The following IFIT3 variants were observed in gnomAD, a reference collection of about 807,000 sequenced individuals.
The protein encoded by IFIT3 is interferon-induced protein with tetratricopeptide repeats 3.
A neutral mutation model predicts 2.4 loss-of-function variants in IFIT3; 2 were observed. The ratio of observed to expected loss-of-function variants is 0.82; its 90% CI spans 0.34 to 2.60. IFIT3 has a LOEUF of 2.60. Among genes scored for constraint, IFIT3 ranks in the 30% most tolerant of loss-of-function variants. The probability of loss-of-function intolerance (pLI) is 0.11; values close to 1 mark genes in which losing one functional copy is unlikely to be tolerated. For synonymous variants in IFIT3, 203 were observed against 212.1 expected, an observed-to-expected ratio of 0.96 and a Z score of 0.37; for missense variants, 481 against 562.4, an observed-to-expected ratio of 0.86 and a Z score of 1.46.
chr10:89,329,250 G>A, intron 1 of IFIT3, among the ~76,000 whole-genome samples: 1 of 152,110 alleles, frequency 6.6e-6, no homozygotes, highest in Non-Finnish European at 1.5e-5. Flanking sequence ...TCATGTTTGG[G>A]GATGAGATGG....
chr10:89,339,326 C>CTGAAGGAGAGCAGTTTGT lies in IFIT3; in HGVS notation c.677_694dup (p.Gly226_Glu231dup). 1 of 1,613,780 alleles carries CTGAAGGAGAGCAGTTTGT rather than the reference C, an allele frequency of 6.2e-7. No individual in the cohort carries two copies. The highest frequency in any genetic ancestry group is 2.2e-5 in the East Asian group (1 of 44,884). ...AAACTGCAGAAGATGAATAAAGAAG[C>CTGAAGGAGAGCAGTTTGT]TGAAGGAGAGCAGTTTGTTGAAGAA... is the stretch of plus-strand genomic sequence containing the variant. On this transcript the variant is annotated inframe_insertion, in exon 2 of 2. Transcript: ENST00000371818.
In IFIT3 at chr10:89,328,025, T is replaced by G; in HGVS notation, c.-49T>G. The G allele has an allele frequency of 1.2e-6, 2 of 1,612,436 alleles. No homozygotes were observed. The highest frequency in any genetic ancestry group is 1.7e-6 in the Non-Finnish European group (2 of 1,178,580). ...GACAGGAAGACTTCTGAAGAACAAA[T>G]CAGCCTGGTCACCAGCTTTTCGGAA... On this transcript the variant is annotated 5_prime_UTR_variant, in exon 1 of 2. Transcript: ENST00000371818.
In IFIT3 at chr10:89,332,406, G is replaced by A. The variant is rs139036342; in HGVS notation, c.5+4328G>A. 9.6e-4 allele frequency: 1,087 copies of A among 1,133,964 alleles called. 9 individuals are homozygous for A. The African/African-American group carries it at 0.011, about 12-fold the overall frequency. 70.2% of individuals were successfully genotyped at this position (1,133,964 alleles called of 1,614,324 possible). A position where few individuals can be genotyped will look rare whatever the true frequency, so the allele number is the denominator to read the frequency against. Reference sequence around the variant, plus strand: ...AATCTGTCTGGAACATGTTCCTGGCGTGAGTGAGCTCAGTTCTCACAGATT... The same window carrying A: ...AATCTGTCTGGAACATGTTCCTGGCATGAGTGAGCTCAGTTCTCACAGATT... On this transcript the variant is annotated intron_variant, in intron 1 of 1. Transcript: ENST00000371818.
Position 89,340,201 on chromosome 10 carries a change from G to A in IFIT3, c.*73G>A. 2 of 1,480,914 alleles carry A rather than the reference G, an allele frequency of 1.4e-6. No homozygotes were observed. The highest frequency in any genetic ancestry group is 1.8e-6 in the Non-Finnish European group (2 of 1,112,326). The allele number at this position is 1,480,914 out of a possible 1,614,324, so 91.7% of individuals were successfully genotyped here. ...ACGGGTAGGACGATAGGAAGACAGG[G>A]GGCCCCAACCTGGGATTGCTGAGCA... On this transcript the variant is annotated 3_prime_UTR_variant, in exon 2 of 2. Coordinates refer to ENST00000371818, the MANE Select transcript of IFIT3 (RefSeq NM_001549.6).
At chr10:89,331,304 TG>T (rs1160101887) in intron 1 of IFIT3, among the ~76,000 whole-genome samples, 3 of 152,120 alleles carry the variant, frequency 2.0e-5, no homozygotes, top group Non-Finnish European at 4.4e-5. Flanking sequence ...CCCAAGTAGC[TG>T]GGACTATAGG....
chr10:89,332,714 T>G (rs946786963), intron 1 of IFIT3: 2 of 1,307,138 alleles, frequency 1.5e-6, no homozygotes, highest in Non-Finnish European at 2.2e-6. Flanking sequence ...TGCTTAGAGA[T>G]GAAATATGCA....
intron 1 of IFIT3, among the ~76,000 whole-genome samples, chr10:89,337,893 G>A (rs1442254215): frequency 6.6e-6 from 1 of 152,134 alleles, no homozygotes; most frequent in Non-Finnish European, 1.5e-5. Context: ...CCTTGTGATG[G>A]TACAAAAGTG....
rs1249204031 is a variant in IFIT3 at position 89,339,687 on chromosome 10, T to C, written c.1032T>C (p.Tyr344=). 1.2e-6 allele frequency: 2 copies of C among 1,614,096 alleles called. No homozygotes were observed. Among genetic ancestry groups the C allele is most frequent in the South Asian group, 1.1e-5 (1 of 91,090 alleles). Residue 344 remains tyrosine, a synonymous_variant, in exon 2 of 2, where the codon TAT becomes TAC. Transcript: ENST00000371818. ...CTGAGTTCCTGGAGACGGAATGTTATCAGACACCATTCAATAAGGAAGTCC... is the reference window on the plus strand; with the variant it reads ...CTGAGTTCCTGGAGACGGAATGTTACCAGACACCATTCAATAAGGAAGTCC... ...DLAEFLETEC[Y]QTPFNKEVPD...
intron 1 of IFIT3, among the ~76,000 whole-genome samples, chr10:89,337,045 TC>T (rs1843753356): frequency 6.6e-6 from 1 of 152,190 alleles, no homozygotes; most frequent in Non-Finnish European, 1.5e-5. Flanking sequence ...TGCAACAAAT[TC>T]ATTCTGTCTG....
intron 1 of IFIT3, among the ~76,000 whole-genome samples, chr10:89,328,280 G>C (rs1843618564): frequency 6.6e-6 from 1 of 152,126 alleles, no homozygotes; most frequent in Admixed American, 6.6e-5. Context: ...TTAAGTTTCT[G>C]GAATGGTTCC....
In IFIT3 at chr10:89,338,565, C is replaced by T. The variant is rs548294402; in HGVS notation, c.6-96C>T. On this transcript the variant is annotated intron_variant, in intron 1 of 1. Coordinates refer to ENST00000371818, the MANE Select transcript of IFIT3 (RefSeq NM_001549.6). Reference sequence around the variant, plus strand: ...AATGTTGGACCAAATATCTGGGCATCCTGTGGCCCAGTTCAATTGACATAT... The same window carrying T: ...AATGTTGGACCAAATATCTGGGCATTCTGTGGCCCAGTTCAATTGACATAT... 97 of 1,187,978 alleles carry T rather than the reference C, an allele frequency of 8.2e-5. 2 individuals are homozygous for T. The South Asian group carries it at 1.4e-3, about 17-fold the overall frequency. The allele number at this position is 1,187,978 out of a possible 1,614,324, so 73.6% of individuals were successfully genotyped here. A position where few individuals can be genotyped will look rare whatever the true frequency, so the allele number is the denominator to read the frequency against.
At chr10:89,335,482 T>G (rs540495005) in intron 1 of IFIT3, 1 of 151,032 alleles carries the variant, frequency 6.6e-6, no homozygotes, top group African/African-American at 2.4e-5. Context: ...GAGCTATAAG[T>G]GCTTAAAATT....
chr10:89,339,208 A>G lies in IFIT3; in HGVS notation c.553A>G (p.Asn185Asp). 6.2e-7 allele frequency: 1 copy of G among 1,614,094 alleles called. No homozygotes were observed. Among genetic ancestry groups the G allele is most frequent in the Non-Finnish European group, 8.5e-7 (1 of 1,179,930 alleles). Residue 185 changes from asparagine to aspartate, a missense_variant, in exon 2 of 2, where the codon AAT (asparagine) becomes GAT (aspartate). By Grantham distance (23) the Asn-to-Asp change is conservative. Coordinates refer to ENST00000371818, the MANE Select transcript of IFIT3 (RefSeq NM_001549.6). ...GGCAATTGCGATGTACCATCTGGAT[A>G]ATCACCCAGAGAAACAGTTCTCTAC... Reference protein sequence around the residue: ...GLAIAMYHLDNHPEKQFSTDV... With the variant: ...GLAIAMYHLDDHPEKQFSTDV...
At position 89,340,817 on chromosome 10, in the gene IFIT3, T is replaced by G. The variant is rs534845776; in HGVS notation, c.*689T>G. ...TCATTTTCATCCAGACTTCTGGAAC[T>G]CAAAGATTAACTTTTGACTAACCCT... On this transcript the variant is annotated 3_prime_UTR_variant, in exon 2 of 2. Transcript: ENST00000371818. The G allele has an allele frequency of 6.6e-6, 1 of 152,352 alleles. No homozygotes were observed. The highest frequency in any genetic ancestry group is 2.4e-5 in the African/African-American group (1 of 41,582). 9.4% of individuals were successfully genotyped at this position (152,352 alleles called of 1,614,324 possible).
rs750097286 is a variant in IFIT3, at chr10:89,340,075, G to T, written c.1420G>T (p.Ala474Ser). 1 of 1,612,996 alleles carries T rather than the reference G, an allele frequency of 6.2e-7. No individual in the cohort carries two copies. The highest frequency in any genetic ancestry group is 8.5e-7 in the Non-Finnish European group (1 of 1,179,444). Residue 474 changes from alanine to serine, a missense_variant, in exon 2 of 2, where the codon GCA becomes TCA. Physicochemically the swap from Ala to Ser is moderately conservative, Grantham distance 99. Transcript: ENST00000371818. Reference protein sequence around the residue: ...EDGSEEMGQGAVSSSPRELLS... With the variant: ...EDGSEEMGQGSVSSSPRELLS... The stretch of plus-strand genomic sequence containing the variant: ...TGGTAGTGAGGAAATGGGCCAGGGC[G>T]CAGTCAGCTCCAGTCCCAGAGAGCT...
chr10:89,334,242 T>G (rs2133549904), intron 1 of IFIT3, among the ~76,000 whole-genome samples: 1 of 152,294 alleles, frequency 6.6e-6, no homozygotes, highest in South Asian at 2.1e-4. Flanking sequence ...GGTGAGAGAC[T>G]GTAACTATGT....
intron 1 of IFIT3, among the ~76,000 whole-genome samples, chr10:89,328,905 T>C (rs1166229897): frequency 1.3e-5 from 2 of 152,274 alleles, no homozygotes; most frequent in East Asian, 3.9e-4. Flanking sequence ...GAATAGTCTA[T>C]AGGGAGGTAG....
chr10:89,334,212 G>T (rs1324438655), intron 1 of IFIT3, among the ~76,000 whole-genome samples: 1 of 152,222 alleles, frequency 6.6e-6, no homozygotes, highest in Non-Finnish European at 1.5e-5. Flanking sequence ...GGGCAAGACA[G>T]GTGGTCATGA....
intron 1 of IFIT3, among the ~76,000 whole-genome samples, chr10:89,334,458 T>C (rs1843698311): frequency 1.3e-5 from 2 of 150,072 alleles, no homozygotes; most frequent in Non-Finnish European, 1.5e-5. Flanking sequence ...TATTCTGTTT[T>C]TTCTTCTTTT....
Sources: gnomAD v4.1 joint callset for allele counts (sites outside exome capture counted in the v4.1 genomes callset) on GRCh38, gnomAD v4.1.1 for gene constraint, MANE v1.5 for transcripts, NCBI Gene and HGNC (gene_info 2026-07-23, HGNC 2026-07-21) for gene names.